PRR16: variants seen among roughly 807,000 people sequenced by gnomAD.
PRR16 encodes the protein protein Largen.
In PRR16, 6 loss-of-function variants were observed where a neutral mutation model predicts 18.2. That is an observed-to-expected ratio of 0.33 (90% CI 0.18 to 0.65). PRR16 has a LOEUF of 0.65. Ranked by LOEUF, PRR16 falls within the 30% of genes least tolerant of loss-of-function variation. The probability of loss-of-function intolerance (pLI) is 0.74; values close to 1 mark genes in which losing one functional copy is unlikely to be tolerated. For missense variants in PRR16, 412 were observed against 376.6 expected (o/e 1.09, Z -0.78); for synonymous variants, 151 against 147.8 (o/e 1.02, Z -0.16).
intron 1 of PRR16, among the ~76,000 whole-genome samples, chr5:120,675,045 C>T (rs1756748176): frequency 6.6e-6 from 1 of 152,088 alleles, no homozygotes; most frequent in African/African-American, 2.4e-5. Flanking sequence ...CTAATAATGG[C>T]AGCTTCATCT....
intron 1 of PRR16, among the ~76,000 whole-genome samples, chr5:120,639,273 A>G (rs940481267): frequency 6.6e-6 from 1 of 152,092 alleles, no homozygotes; most frequent in Non-Finnish European, 1.5e-5. Context: ...ATTGTTTGAA[A>G]ATACACCTAA....
chr5:120,640,691 CCTT>C (rs1755392721), intron 1 of PRR16, among the ~76,000 whole-genome samples: 1 of 152,058 alleles, frequency 6.6e-6, no homozygotes, highest in African/African-American at 2.4e-5. Flanking sequence ...TTGGCCAACT[CCTT>C]CATCTTTATT....
chr5:120,750,552 A>C, the PRR16 span, among the ~76,000 whole-genome samples: 1 of 151,906 alleles, frequency 6.6e-6, no homozygotes, highest in South Asian at 2.1e-4. Flanking sequence ...CTGTAATCCC[A>C]GTTACTGAGG....
chr5:120,535,985 C>T (rs1056733224), intron 1 of PRR16, among the ~76,000 whole-genome samples: 2 of 152,176 alleles, frequency 1.3e-5, no homozygotes, highest in African/African-American at 4.8e-5. Flanking sequence ...AACACTTATA[C>T]AATGGTATTA....
intron 1 of PRR16, among the ~76,000 whole-genome samples, chr5:120,600,801 C>T (rs908686534): frequency 6.6e-6 from 1 of 151,910 alleles, no homozygotes; most frequent in Admixed American, 6.6e-5. Flanking sequence ...GTTTATCTTG[C>T]ACTTACAAGT....
At chr5:120,532,352 T>G (rs1383933109) in intron 1 of PRR16, among the ~76,000 whole-genome samples, 1 of 152,136 alleles carries the variant, frequency 6.6e-6, no homozygotes, top group African/African-American at 2.4e-5. Flanking sequence ...TGAATTTACA[T>G]AGTAGTCTTT....
the PRR16 span, among the ~76,000 whole-genome samples, chr5:120,779,543 A>G: frequency 1.3e-5 from 2 of 152,158 alleles, no homozygotes; most frequent in South Asian, 4.1e-4. Context: ...GATGCAGTAA[A>G]TGTTCGCATT....
At chr5:120,619,608 T>TAA (rs1252184068) in intron 1 of PRR16, among the ~76,000 whole-genome samples, 2 of 151,888 alleles carry the variant, frequency 1.3e-5, no homozygotes, top group African/African-American at 4.8e-5. Context: ...CATACCCAAA[T>TAA]AAAGAGGAAG....
the PRR16 span, among the ~76,000 whole-genome samples, chr5:120,723,415 G>C: frequency 6.6e-6 from 1 of 151,866 alleles, no homozygotes; most frequent in Non-Finnish European, 1.5e-5. Context: ...TTCTTATGCT[G>C]TCTATGAGAA....
At chr5:120,737,763 G>A in the PRR16 span, among the ~76,000 whole-genome samples, 1 of 151,302 alleles carries the variant, frequency 6.6e-6, no homozygotes, top group South Asian at 2.1e-4. Flanking sequence ...TGGTTTGTTT[G>A]GATATTTTAG....
chr5:120,744,249 T>C, the PRR16 span, among the ~76,000 whole-genome samples: 1 of 152,136 alleles, frequency 6.6e-6, no homozygotes, highest in Admixed American at 6.5e-5. Context: ...GGGTAGGTTT[T>C]GTTGGAAGAA....
At chr5:120,740,691 A>G in the PRR16 span, among the ~76,000 whole-genome samples, 2 of 152,168 alleles carry the variant, frequency 1.3e-5, no homozygotes, top group Admixed American at 6.5e-5. Context: ...TCTCATTTCT[A>G]TATAAATTCT....
At chr5:120,493,550 C>T (rs73264162) in intron 1 of PRR16, among the ~76,000 whole-genome samples, 2,023 of 152,190 alleles carry the variant, frequency 0.013, 17 homozygotes, top group Middle Eastern at 0.11. Flanking sequence ...CCAATTTCCT[C>T]CAGTGGTAAC....
At chr5:120,578,235 CTAA>C (rs1400011023) in intron 1 of PRR16, among the ~76,000 whole-genome samples, 2 of 152,090 alleles carry the variant, frequency 1.3e-5, no homozygotes, top group East Asian at 1.9e-4. Context: ...TATTTCCTCA[CTAA>C]TAATAATACC....
In PRR16 at chr5:120,485,870, A is replaced by G. The variant is rs986443473; in HGVS notation, c.159+21225A>G. Among the ~76,000 whole-genome samples, 22 of 152,012 alleles carry G rather than the reference A, an allele frequency of 1.4e-4. No homozygotes were observed. In the South Asian group the frequency reaches 2.1e-3, roughly 14 times the overall value. ...TGTGTCCATGTGTTCTCATTGTTCA[A>G]TTCCCACCTATGAGTGAGAACATGC... On this transcript the variant is annotated intron_variant, in intron 1 of 1. Coordinates refer to ENST00000407149, the MANE Select transcript of PRR16 (RefSeq NM_001300783.2).
chr5:120,488,058 T>C (rs1749879675), intron 1 of PRR16, among the ~76,000 whole-genome samples: 1 of 152,256 alleles, frequency 6.6e-6, no homozygotes, highest in African/African-American at 2.4e-5. Context: ...GCCAGTATTT[T>C]ATTGAGGATT....
rs558689258 is a variant in PRR16, at chr5:120,524,410, C to T, written c.159+59765C>T. ...AGCTACAAAATTCAGTATGATTGAA[C>T]GGATTTTGATGTTTAGGAAATGCAG... On this transcript the variant is annotated intron_variant, in intron 1 of 1. Coordinates refer to ENST00000407149, the MANE Select transcript of PRR16 (RefSeq NM_001300783.2). 4.8e-4 allele frequency among the ~76,000 whole-genome samples: 73 copies of T among 152,090 alleles called. 1 individual carries two copies. Among genetic ancestry groups the T allele is most frequent in the Admixed American group, 5.2e-4 (8 of 15,266 alleles).
Position 120,469,845 on chromosome 5 carries a change from A to G in PRR16, c.159+5200A>G, listed in dbSNP as rs140247272. On this transcript the variant is annotated intron_variant, in intron 1 of 1. Transcript: ENST00000407149. The stretch of plus-strand genomic sequence containing the variant: ...AATTTTGAGAACATAGAGGTAGCCA[A>G]TAATCATCCATCACTGTCTATTTCC... Among the ~76,000 whole-genome samples the G allele has an allele frequency of 2.6e-3, 403 of 152,336 alleles. 4 individuals are homozygous for G. The highest frequency in any genetic ancestry group is 9.3e-3 in the African/African-American group (387 of 41,570).
At chr5:120,708,911 C>T in the PRR16 span, among the ~76,000 whole-genome samples, 24 of 147,436 alleles carry the variant, frequency 1.6e-4, no homozygotes, top group African/African-American at 5.8e-4. Context: ...GAAGTCTTTG[C>T]GGGAAATAAT....
Sources: gnomAD v4.1 joint callset for allele counts (sites outside exome capture counted in the v4.1 genomes callset) on GRCh38, gnomAD v4.1.1 for gene constraint, MANE v1.5 for transcripts, NCBI Gene and HGNC (gene_info 2026-07-23, HGNC 2026-07-21) for gene names.